The following SNTG1 variants were observed in gnomAD, a reference collection of about 807,000 sequenced individuals.
SNTG1 encodes syntrophin gamma 1.
SNTG1 carries 39 observed loss-of-function variants against 74.7 expected under a neutral mutation model. That is an observed-to-expected ratio of 0.52 (90% CI 0.40 to 0.68). SNTG1 has a LOEUF of 0.68. Among genes scored for constraint, SNTG1 ranks in the 30% least tolerant of loss-of-function variants. The probability of loss-of-function intolerance (pLI) is 0.00; values close to 1 mark genes in which losing one functional copy is unlikely to be tolerated. For missense variants in SNTG1, 685 were observed against 609.5 expected, an observed-to-expected ratio of 1.12 and a Z score of -1.30; for synonymous variants, 254 against 217.1, an observed-to-expected ratio of 1.17 and a Z score of -1.49.
At chr8:50,590,622 GT>G (rs1482696101) in intron 12 of SNTG1, among the ~76,000 whole-genome samples, 2 of 151,762 alleles carry the variant, frequency 1.3e-5, no homozygotes, top group Non-Finnish European at 2.9e-5. Flanking sequence ...CAGGCTTTTG[GT>G]TTCTCTGAGT....
intron 18 of SNTG1, among the ~76,000 whole-genome samples, chr8:50,756,561 A>G (rs1264902645): frequency 1.3e-5 from 2 of 151,748 alleles, no homozygotes; most frequent in African/African-American, 4.8e-5. Context: ...CTCCTTAGTC[A>G]AAGATTAGTT....
At chr8:50,470,303 C>T (rs1019344008) in intron 8 of SNTG1, among the ~76,000 whole-genome samples, 5 of 152,116 alleles carry the variant, frequency 3.3e-5, no homozygotes, top group African/African-American at 1.2e-4. Context: ...CCAAAATGGC[C>T]AAGACATTGT....
At chr8:50,469,889 A>C (rs2093638385) in intron 8 of SNTG1, among the ~76,000 whole-genome samples, 1 of 152,118 alleles carries the variant, frequency 6.6e-6, no homozygotes, top group Non-Finnish European at 1.5e-5. Context: ...TGAGGCAGGA[A>C]AATTGCTTGA....
At chr8:50,275,725 T>C (rs1353142123) in intron 2 of SNTG1, among the ~76,000 whole-genome samples, 1 of 152,124 alleles carries the variant, frequency 6.6e-6, no homozygotes, top group Non-Finnish European at 1.5e-5. Context: ...CCCCCAGCAA[T>C]TCATTAGTTA....
At chr8:50,056,331 T>C (rs1317757605) in intron 1 of SNTG1, among the ~76,000 whole-genome samples, 1 of 152,112 alleles carries the variant, frequency 6.6e-6, no homozygotes, top group Non-Finnish European at 1.5e-5. Context: ...GGATTGGCCT[T>C]AGGCACTTTG....
At chr8:49,970,089 C>T (rs970757041) in intron 1 of SNTG1, among the ~76,000 whole-genome samples, 9 of 152,192 alleles carry the variant, frequency 5.9e-5, no homozygotes, top group Admixed American at 4.6e-4. Context: ...ATAGGATTGG[C>T]GTAAAGAATG....
intron 1 of SNTG1, among the ~76,000 whole-genome samples, chr8:49,996,300 T>C (rs970688096): frequency 1.3e-5 from 2 of 151,946 alleles, no homozygotes; most frequent in African/African-American, 4.8e-5. Context: ...TTCTTGGAAA[T>C]AAGGATTGTA....
intron 1 of SNTG1, among the ~76,000 whole-genome samples, chr8:49,920,045 T>C (rs1278165757): frequency 1.3e-5 from 2 of 152,088 alleles, no homozygotes; most frequent in Admixed American, 1.3e-4. Context: ...CACATCTTTT[T>C]CTCAACTTAA....
chr8:50,444,764 A>AAAGAAAG (rs1554528650), intron 5 of SNTG1, among the ~76,000 whole-genome samples: 20 of 140,226 alleles, frequency 1.4e-4, no homozygotes, highest in South Asian at 4.4e-4. Context: ...AAAAAAAAAA[A>AAAGAAAG]AAAGAAAGAG....
chr8:49,951,897 A>AAACAACAAC (rs1809752376), intron 1 of SNTG1, among the ~76,000 whole-genome samples: 1 of 141,650 alleles, frequency 7.1e-6, no homozygotes, highest in African/African-American at 2.9e-5. Flanking sequence ...AAAAAAAAAA[A>AAACAACAAC]AAAAAAAGAA....
intron 2 of SNTG1, among the ~76,000 whole-genome samples, chr8:50,225,815 T>C (rs1049011351): frequency 3.3e-5 from 5 of 152,230 alleles, no homozygotes; most frequent in African/African-American, 1.2e-4. Flanking sequence ...TAACAAAGTA[T>C]TCTTAATCAG....
intron 9 of SNTG1, among the ~76,000 whole-genome samples, chr8:50,514,520 A>T (rs2094114943): frequency 6.6e-6 from 1 of 151,632 alleles, no homozygotes; most frequent in South Asian, 2.1e-4. Context: ...TTTAATTTCC[A>T]CTCATTTGTG....
intron 1 of SNTG1, among the ~76,000 whole-genome samples, chr8:50,033,230 T>C (rs1227864644): frequency 6.6e-6 from 1 of 151,930 alleles, no homozygotes; most frequent in Non-Finnish European, 1.5e-5. Flanking sequence ...TTCAAGCGAT[T>C]CTCCTGCCTC....
chr8:50,126,619 CAT>C (rs1209671009), intron 1 of SNTG1, among the ~76,000 whole-genome samples: 1 of 151,506 alleles, frequency 6.6e-6, no homozygotes, highest in Non-Finnish European at 1.5e-5. Context: ...AATATAAATT[CAT>C]ATATGTTTAT....
At chr8:50,740,698 A>G (rs563029975) in intron 17 of SNTG1, among the ~76,000 whole-genome samples, 130 of 152,228 alleles carry the variant, frequency 8.5e-4, no homozygotes, top group South Asian at 7.4e-3. Context: ...AAGTATGTTC[A>G]CTGCAGCACT....
chr8:49,953,969 T>C (rs62501374), intron 1 of SNTG1, among the ~76,000 whole-genome samples: 1,969 of 152,306 alleles, frequency 0.013, 25 homozygotes, highest in Non-Finnish European at 0.021. Context: ...ATGTTCTAGA[T>C]TGAAAACCAA....
intron 3 of SNTG1, among the ~76,000 whole-genome samples, chr8:50,396,154 C>A (rs1045740424): frequency 2.6e-5 from 4 of 152,166 alleles, no homozygotes; most frequent in African/African-American, 9.7e-5. Flanking sequence ...CATACTAGCT[C>A]TTGTAAATTA....
At chr8:50,435,417 TC>T (rs1353558927) in intron 4 of SNTG1, among the ~76,000 whole-genome samples, 5 of 152,312 alleles carry the variant, frequency 3.3e-5, no homozygotes, top group African/African-American at 1.2e-4. Flanking sequence ...CAGATCAGCT[TC>T]CAGATATTGT....
chr8:49,967,874 A>G (rs1211027891), intron 1 of SNTG1, among the ~76,000 whole-genome samples: 1 of 152,164 alleles, frequency 6.6e-6, no homozygotes, highest in Non-Finnish European at 1.5e-5. Context: ...GTAGTTTAAG[A>G]TCATGATTAT....
Sources: gnomAD v4.1 joint callset for allele counts (sites outside exome capture counted in the v4.1 genomes callset) on GRCh38, gnomAD v4.1.1 for gene constraint, MANE v1.5 for transcripts, NCBI Gene and HGNC (gene_info 2026-07-23, HGNC 2026-07-21) for gene names.